UBASH3B: variants seen among roughly 807,000 people sequenced by gnomAD.
UBASH3B encodes ubiquitin-associated and SH3 domain-containing protein B.
A neutral mutation model predicts 83.4 loss-of-function variants in UBASH3B; 37 were observed. The observed-to-expected ratio is 0.44, with a 90% CI of 0.34 to 0.58. The LOEUF is 0.58. Among genes scored for constraint, UBASH3B ranks in the 20% least tolerant of loss-of-function variants. UBASH3B has a pLI of 0.01. For missense variants in UBASH3B, 657 were observed against 827.2 expected, an observed-to-expected ratio of 0.79 and a Z score of 2.52; for synonymous variants, 304 against 318.3, an observed-to-expected ratio of 0.96 and a Z score of 0.48.
chr11:122,704,804 C>T (rs750372106), intron 1 of UBASH3B, among the ~76,000 whole-genome samples: 37 of 152,016 alleles, frequency 2.4e-4, no homozygotes, highest in Non-Finnish European at 5.0e-4. Context: ...CCACCGTGCC[C>T]CGTCAACAAT....
intron 1 of UBASH3B, among the ~76,000 whole-genome samples, chr11:122,674,915 G>C (rs1337462448): frequency 6.6e-6 from 1 of 151,830 alleles, no homozygotes; most frequent in Non-Finnish European, 1.5e-5. Context: ...TTTTTGTAGA[G>C]ACAGGGTTTC....
chr11:122,728,521 T>C (rs554026983), intron 1 of UBASH3B, among the ~76,000 whole-genome samples: 1 of 152,320 alleles, frequency 6.6e-6, no homozygotes, highest in African/African-American at 2.4e-5. Flanking sequence ...TAGCTACTTC[T>C]CTTATAATTA....
rs546784104 is a variant in UBASH3B at position 122,814,333 on chromosome 11, C to G, written c.*4447C>G. ...ATTGCCAAATTCTTTGTAAACTCTC[C>G]GTGGCACTTGTGCTTTCCTGGCTGA... is the stretch of plus-strand genomic sequence containing the variant. On this transcript the variant is annotated 3_prime_UTR_variant, in exon 14 of 14. Coordinates refer to ENST00000284273, the MANE Select transcript of UBASH3B (RefSeq NM_032873.5). 6.6e-6 allele frequency: 1 copy of G among 152,530 alleles called. No individual in the cohort carries two copies. The highest frequency in any genetic ancestry group is 1.5e-5 in the Non-Finnish European group (1 of 68,016). 9.4% of individuals were successfully genotyped at this position (152,530 alleles called of 1,614,324 possible). A position where few individuals can be genotyped will look rare whatever the true frequency, so the allele number is the denominator to read the frequency against.
At chr11:122,791,589 C>T (rs1861054882) in intron 6 of UBASH3B, among the ~76,000 whole-genome samples, 1 of 152,180 alleles carries the variant, frequency 6.6e-6, no homozygotes, top group Non-Finnish European at 1.5e-5. Flanking sequence ...TCCTATTTAA[C>T]CCCAGAGGTC....
chr11:122,735,914 T>G (rs1003622523), intron 1 of UBASH3B, among the ~76,000 whole-genome samples: 1 of 152,164 alleles, frequency 6.6e-6, no homozygotes, highest in Non-Finnish European at 1.5e-5. Context: ...GGATTTTACC[T>G]GTAGGTAACA....
At chr11:122,765,231 G>A (rs774258180) in intron 1 of UBASH3B, among the ~76,000 whole-genome samples, 7 of 152,252 alleles carry the variant, frequency 4.6e-5, no homozygotes, top group Non-Finnish European at 1.0e-4. Flanking sequence ...CAGAGAGGCA[G>A]TGAAATTTTC....
At chr11:122,670,924 G>A (rs1220151838) in intron 1 of UBASH3B, among the ~76,000 whole-genome samples, 3 of 151,728 alleles carry the variant, frequency 2.0e-5, no homozygotes, top group Non-Finnish European at 2.9e-5. Context: ...CACCACGCCC[G>A]GCTAATTTTT....
chr11:122,778,429 A>G (rs1172965174), intron 3 of UBASH3B, among the ~76,000 whole-genome samples: 1 of 152,124 alleles, frequency 6.6e-6, no homozygotes, highest in Non-Finnish European at 1.5e-5. Flanking sequence ...CCCAACTATC[A>G]TGAGGGTGGA....
At chr11:122,670,719 C>G (rs1476918877) in intron 1 of UBASH3B, among the ~76,000 whole-genome samples, 1 of 152,092 alleles carries the variant, frequency 6.6e-6, no homozygotes, top group Non-Finnish European at 1.5e-5. Flanking sequence ...TCCTCCCCAG[C>G]CTCCTCAAGA....
At chr11:122,748,680 C>G (rs1344754074) in intron 1 of UBASH3B, among the ~76,000 whole-genome samples, 1 of 152,178 alleles carries the variant, frequency 6.6e-6, no homozygotes, top group Non-Finnish European at 1.5e-5. Flanking sequence ...GAACAAGACA[C>G]AAGAGCTCTG....
rs1216431866 is a variant in UBASH3B at position 122,656,079 on chromosome 11, C to T, written c.30C>T (p.Leu10=). 7.5e-6 allele frequency: 12 copies of T among 1,600,682 alleles called. No individual in the cohort carries two copies. Among genetic ancestry groups the T allele is most frequent in the Admixed American group, 1.7e-5 (1 of 58,940 alleles). MAQYGHPSP[L]GMAAREELYS... The stretch of plus-strand genomic sequence containing the variant: ...CTCAGTACGGCCACCCCAGTCCGCT[C>T]GGCATGGCTGCGAGAGAGGAGCTGT... The change falls in exon 1 of 14, where the codon CTC becomes CTT. Residue 10 remains leucine (L), a synonymous_variant. Coordinates refer to ENST00000284273, the MANE Select transcript of UBASH3B (RefSeq NM_032873.5).
chr11:122,761,310 A>G (rs1861367436), intron 1 of UBASH3B, among the ~76,000 whole-genome samples: 1 of 152,132 alleles, frequency 6.6e-6, no homozygotes, highest in Admixed American at 6.5e-5. Context: ...AACCAAAAAT[A>G]AAAATAAAAA....
At chr11:122,680,609 ATG>A (rs1280074800) in intron 1 of UBASH3B, among the ~76,000 whole-genome samples, 1 of 152,142 alleles carries the variant, frequency 6.6e-6, no homozygotes, top group African/African-American at 2.4e-5. Context: ...GATTACAGGC[ATG>A]TGCCACCATG....
intron 1 of UBASH3B, among the ~76,000 whole-genome samples, chr11:122,685,693 T>C (rs886848304): frequency 3.3e-5 from 5 of 152,126 alleles, no homozygotes; most frequent in African/African-American, 1.2e-4. Context: ...ATTTTTTTTA[T>C]ATTTTTAGTA....
At chr11:122,684,638 C>A (rs1039723338) in intron 1 of UBASH3B, among the ~76,000 whole-genome samples, 7 of 152,170 alleles carry the variant, frequency 4.6e-5, no homozygotes, top group Non-Finnish European at 1.0e-4. Flanking sequence ...GACAGAGTTT[C>A]GCTCTTGTTG....
At chr11:122,671,738 A>G (rs1041128501) in intron 1 of UBASH3B, among the ~76,000 whole-genome samples, 5 of 152,116 alleles carry the variant, frequency 3.3e-5, no homozygotes, top group Admixed American at 1.3e-4. Flanking sequence ...GCGGTGGGAC[A>G]CCAGGAAAAC....
At chr11:122,670,511 G>T (rs912441174) in intron 1 of UBASH3B, among the ~76,000 whole-genome samples, 1 of 152,102 alleles carries the variant, frequency 6.6e-6, no homozygotes, top group Non-Finnish European at 1.5e-5. Context: ...TTAAATGAAG[G>T]TAATAGTCTG....
chr11:122,758,817 TG>T lies in UBASH3B; in HGVS notation c.162-17399del, dbSNP rs1861324650. 6.6e-6 allele frequency among the ~76,000 whole-genome samples: 1 copy of T among 152,250 alleles called. No homozygotes were observed. The highest frequency in any genetic ancestry group is 2.4e-5 in the African/African-American group (1 of 41,468). ...TCAGATCAGCAATTTCCACTGGTTA[TG>T]GGATTGGGATCTTCCATCTCTTGCA... On this transcript the variant is annotated intron_variant, in intron 1 of 13. Coordinates refer to ENST00000284273, the MANE Select transcript of UBASH3B (RefSeq NM_032873.5). This position sits in a 1 kb window ranked among gnomAD's most constrained non-coding sequence, Gnocchi z 4.2.
intron 3 of UBASH3B, among the ~76,000 whole-genome samples, chr11:122,777,877 A>C (rs781102701): frequency 6.6e-6 from 1 of 151,894 alleles, no homozygotes. Flanking sequence ...TTACAGGCAT[A>C]TGCCACCATG....
Sources: allele counts gnomAD v4.1 joint callset (sites outside exome capture counted in the v4.1 genomes callset), GRCh38; gene constraint gnomAD v4.1.1; non-coding constraint Gnocchi (gnomAD v3.1); transcripts MANE v1.5; gene names NCBI Gene and HGNC (gene_info 2026-07-23, HGNC 2026-07-21).